The following MACROD2 variants were observed in gnomAD, a reference collection of about 807,000 sequenced individuals.
MACROD2 encodes the protein mono-ADP ribosylhydrolase 2.
A neutral mutation model predicts 70.4 loss-of-function variants in MACROD2; 36 were observed. The observed-to-expected ratio is 0.51, with a 90% CI of 0.39 to 0.68. The LOEUF is 0.68. Among genes scored for constraint, MACROD2 ranks in the 30% least tolerant of loss-of-function variants. MACROD2 has a pLI of 0.00. For missense variants in MACROD2, 496 were observed against 538.4 expected, an observed-to-expected ratio of 0.92 and a Z score of 0.78; for synonymous variants, 172 against 178.8, an observed-to-expected ratio of 0.96 and a Z score of 0.30.
intron 5 of MACROD2, among the ~76,000 whole-genome samples, chr20:15,189,630 C>T (rs1426344589): frequency 3.9e-5 from 6 of 152,220 alleles, no homozygotes; most frequent in African/African-American, 1.2e-4. Context: ...GGCTGCACTT[C>T]GGTCAGGCTG....
chr20:15,003,243 A>G lies in MACROD2; in HGVS notation c.419-226697A>G, dbSNP rs572160306. ...TGAACCTCAGCTTTCCAATGTAGTC[A>G]GGGGAAATAAGACACACAATTTATG... On this transcript the variant is annotated intron_variant, in intron 5 of 17. Coordinates refer to ENST00000684519, the MANE Select transcript of MACROD2 (RefSeq NM_001351661.2). 3.3e-5 allele frequency among the ~76,000 whole-genome samples: 5 copies of G among 152,284 alleles called. No homozygotes were observed. The South Asian group carries it at 6.2e-4, about 19-fold the overall frequency.
rs905296125 is a variant in MACROD2 at position 14,974,733 on chromosome 20, A to G, written c.419-255207A>G. ...TACCTTGACTTTATTATTCTCTCCTACTGCAGTTTGCACTGCAAGTCCAAG... is the reference window on the plus strand; with the variant it reads ...TACCTTGACTTTATTATTCTCTCCTGCTGCAGTTTGCACTGCAAGTCCAAG... On this transcript the variant is annotated intron_variant, in intron 5 of 17. Transcript: ENST00000684519. Among the ~76,000 whole-genome samples, 17 of 152,258 alleles carry G rather than the reference A, an allele frequency of 1.1e-4. 1 individual carries two copies. The highest frequency in any genetic ancestry group is 3.4e-4 in the African/African-American group (14 of 41,542).
chr20:14,823,150 T>C (rs1343477307), intron 5 of MACROD2, among the ~76,000 whole-genome samples: 1 of 152,108 alleles, frequency 6.6e-6, no homozygotes, highest in Admixed American at 6.6e-5. Flanking sequence ...AACAAAAAGC[T>C]GTGGACTCTT....
At chr20:14,730,772 CA>C (rs1361599745) in intron 5 of MACROD2, among the ~76,000 whole-genome samples, 8 of 151,652 alleles carry the variant, frequency 5.3e-5, no homozygotes, top group Non-Finnish European at 7.4e-5. Context: ...TCATAAGATT[CA>C]AAAACAGATA....
intron 5 of MACROD2, among the ~76,000 whole-genome samples, chr20:14,940,156 A>G (rs1217721640): frequency 7.6e-6 from 1 of 131,798 alleles, no homozygotes; most frequent in Non-Finnish European, 1.5e-5. Flanking sequence ...TGCAAAAAAA[A>G]AAAAAAAAAA....
intron 6 of MACROD2, among the ~76,000 whole-genome samples, chr20:15,322,609 G>A (rs1228900080): frequency 6.9e-6 from 1 of 144,146 alleles, no homozygotes; most frequent in Non-Finnish European, 1.6e-5. Flanking sequence ...ATTCACTTAT[G>A]GAAAGGAGTG....
chr20:14,322,175 AATATATAT>A lies in MACROD2; in HGVS notation c.272-171285_272-171278del, dbSNP rs374464781. On this transcript the variant is annotated intron_variant, in intron 3 of 17. Coordinates refer to ENST00000684519, the MANE Select transcript of MACROD2 (RefSeq NM_001351661.2). ...GACTTGTATCTTGATATTCTATTGA[AATATATAT>A]ATATATATATATATATATTTTGTAT... Among the ~76,000 whole-genome samples the A allele has an allele frequency of 6.0e-4, 40 of 66,376 alleles. 3 individuals are homozygous for A. Among genetic ancestry groups the A allele is most frequent in the South Asian group, 1.3e-3 (3 of 2,254 alleles). 43.5% of individuals were successfully genotyped at this position (66,376 alleles called of 152,430 possible).
intron 4 of MACROD2, among the ~76,000 whole-genome samples, chr20:14,526,951 G>A (rs2085240914): frequency 2.6e-5 from 4 of 152,260 alleles, no homozygotes; most frequent in South Asian, 2.1e-4. Context: ...TGTATCCTGG[G>A]ACTCTTGCCT....
At chr20:14,618,577 C>A (rs145140285) in intron 4 of MACROD2, among the ~76,000 whole-genome samples, 2 of 152,162 alleles carry the variant, frequency 1.3e-5, no homozygotes, top group Non-Finnish European at 2.9e-5. Flanking sequence ...TGTGGTGTAA[C>A]GCACAGGGTT....
chr20:15,096,898 A>G (rs2075837708), intron 5 of MACROD2, among the ~76,000 whole-genome samples: 1 of 140,688 alleles, frequency 7.1e-6, no homozygotes, highest in African/African-American at 2.7e-5. Flanking sequence ...TGAAACCTCC[A>G]TCTCCTGGGT....
rs1233270720 is a variant in MACROD2 at position 15,731,787 on chromosome 20, C to T, written c.646-130958C>T. Among the ~76,000 whole-genome samples, 4 of 52,542 alleles carry T rather than the reference C, an allele frequency of 7.6e-5. 1 individual carries two copies. The highest frequency in any genetic ancestry group is 7.5e-4 in the Admixed American group (4 of 5,314). The allele number at this position is 52,542 out of a possible 152,430, so 34.5% of individuals were successfully genotyped here. ...TTTTTTTTTTTGAGACGGAGTTTCA[C>T]TCTTGTTGCCCAGGCTGGAGTGCAA... On this transcript the variant is annotated intron_variant, in intron 8 of 17. Transcript: ENST00000684519.
At chr20:15,090,397 G>A (rs2075784287) in intron 5 of MACROD2, among the ~76,000 whole-genome samples, 2 of 151,784 alleles carry the variant, frequency 1.3e-5, no homozygotes, top group South Asian at 4.2e-4. Context: ...TTGATATTCA[G>A]CCCAATGCAC....
intron 5 of MACROD2, among the ~76,000 whole-genome samples, chr20:15,204,445 T>C (rs2076683983): frequency 3.3e-5 from 5 of 152,156 alleles, no homozygotes. Flanking sequence ...CTTCTTTTTA[T>C]TATTAGCTCT....
At chr20:15,979,880 G>C (rs73107607) in intron 13 of MACROD2, among the ~76,000 whole-genome samples, 1 of 152,154 alleles carries the variant, frequency 6.6e-6, no homozygotes, top group Non-Finnish European at 1.5e-5. Context: ...GTAGCAGGAC[G>C]AGCCGCAGAC....
chr20:15,652,549 G>A (rs2049661117), intron 8 of MACROD2, among the ~76,000 whole-genome samples: 1 of 152,166 alleles, frequency 6.6e-6, no homozygotes, highest in South Asian at 2.1e-4. Context: ...CTAGCTGGGT[G>A]ACTTATTTCT....
chr20:14,550,597 A>T (rs760301912), intron 4 of MACROD2, among the ~76,000 whole-genome samples: 5 of 152,180 alleles, frequency 3.3e-5, no homozygotes, highest in African/African-American at 7.2e-5. Context: ...GAACTGTGAG[A>T]AATAAATTTC....
intron 5 of MACROD2, among the ~76,000 whole-genome samples, chr20:15,200,646 T>C (rs6043131): frequency 0.029 from 4,424 of 152,290 alleles, 134 homozygotes; most frequent in Middle Eastern, 0.068. Context: ...TAGAAAGTTA[T>C]AAAATGGCAC....
At chr20:14,219,933 G>A (rs2081656349) in intron 3 of MACROD2, among the ~76,000 whole-genome samples, 1 of 152,132 alleles carries the variant, frequency 6.6e-6, no homozygotes, top group African/African-American at 2.4e-5. Context: ...GAGGTGGCGG[G>A]GTGGGGGGTG....
At chr20:15,475,764 A>T (rs183231185) in intron 7 of MACROD2, among the ~76,000 whole-genome samples, 1 of 152,176 alleles carries the variant, frequency 6.6e-6, no homozygotes, top group South Asian at 2.1e-4. Context: ...ATCCTCAGAG[A>T]AGAGTGCACT....
Sources: allele counts gnomAD v4.1 joint callset (sites outside exome capture counted in the v4.1 genomes callset), GRCh38; gene constraint gnomAD v4.1.1; transcripts MANE v1.5; gene names NCBI Gene and HGNC (gene_info 2026-07-23, HGNC 2026-07-21).